Variants in ACSL3 observed in about 807,000 individuals in gnomAD.
The protein encoded by ACSL3 is fatty acid CoA ligase Acsl3.
ACSL3 carries 34 observed loss-of-function variants against 84.7 expected under a neutral mutation model. The observed-to-expected ratio is 0.40, with a 90% confidence interval of 0.31 to 0.53. The LOEUF is 0.53. ACSL3 is among the 20% of genes least tolerant of loss of function. The pLI is 0.48. For missense variants in ACSL3, 680 were observed against 873.1 expected (o/e 0.78, Z 2.79); for synonymous variants, 315 against 299.4 (o/e 1.05, Z -0.54).
At chr2:222,925,648 A>G (rs903159081) in intron 11 of ACSL3, among the ~76,000 whole-genome samples, 1 of 152,230 alleles carries the variant, frequency 6.6e-6, no homozygotes, top group African/African-American at 2.4e-5. Flanking sequence ...AGCAGTTTAA[A>G]AAACCTGCAA....
In ACSL3 at chr2:222,927,184, C is replaced by A; in HGVS notation, c.1460C>A (p.Ser487Tyr). 6.2e-7 allele frequency: 1 copy of A among 1,613,254 alleles called. No individual in the cohort carries two copies. The highest frequency in any genetic ancestry group is 8.5e-7 in the Non-Finnish European group (1 of 1,179,282). The change falls in exon 12 of 17, where the codon TCC (serine) becomes TAC (tyrosine). Residue 487 changes from serine to tyrosine, a missense_variant. Transcript: ENST00000357430. ...LTESAGAGTI[S>Y]EVWDYNTGRV... ...GAATCTGCTGGGGCTGGAACAATTTCCGAAGGTAGTGTTCTCCATGGTCAG... is the reference window on the plus strand; with the variant it reads ...GAATCTGCTGGGGCTGGAACAATTTACGAAGGTAGTGTTCTCCATGGTCAG...
intron 3 of ACSL3, among the ~76,000 whole-genome samples, chr2:222,901,007 T>G (rs1696132190): frequency 6.6e-6 from 1 of 152,196 alleles, no homozygotes; most frequent in Non-Finnish European, 1.5e-5. Flanking sequence ...TTTTGGTGCT[T>G]GGTCAATCTG....
At chr2:222,931,021 A>G (rs1479088832) in intron 14 of ACSL3, among the ~76,000 whole-genome samples, 2 of 152,172 alleles carry the variant, frequency 1.3e-5, no homozygotes, top group Admixed American at 6.5e-5. Context: ...GTTCAGCAGC[A>G]GTGGTATTTT....
chr2:222,935,865 A>G (rs1697156672), intron 16 of ACSL3, among the ~76,000 whole-genome samples: 1 of 152,112 alleles, frequency 6.6e-6, no homozygotes, highest in Non-Finnish European at 1.5e-5. Context: ...TGCACAACTG[A>G]TCTTTATAAC....
At chr2:222,873,127 T>G (rs943882431) in intron 1 of ACSL3, among the ~76,000 whole-genome samples, 13 of 152,224 alleles carry the variant, frequency 8.5e-5, no homozygotes. Context: ...AATTTTATTA[T>G]TACAAAATTT....
At chr2:222,867,993 T>G (rs13002795) in intron 1 of ACSL3, among the ~76,000 whole-genome samples, 12,910 of 150,618 alleles carry the variant, frequency 0.086, 848 homozygotes, top group African/African-American at 0.17. Context: ...TTTTTTTTTT[T>G]AAATAAAAAT....
Position 222,944,172 on chromosome 2 carries a change from C to T in ACSL3, c.*2518C>T, listed in dbSNP as rs1185394482. ...ACTTTCTAAATACTACTTTGCTTTT[C>T]AGTAGTGGATTTGATATTTATAATG... On this transcript the variant is annotated 3_prime_UTR_variant, in exon 17 of 17. Transcript: ENST00000357430. 6.6e-6 allele frequency: 1 copy of T among 152,070 alleles called. No individual in the cohort carries two copies. Among genetic ancestry groups the T allele is most frequent in the Non-Finnish European group, 1.5e-5 (1 of 67,972 alleles). 9.4% of individuals were successfully genotyped at this position (152,070 alleles called of 1,614,324 possible).
At position 222,923,060 on chromosome 2, in the gene ACSL3, CT is replaced by C; in HGVS notation, c.1081-13del. The C allele has an allele frequency of 6.3e-7, 1 of 1,599,258 alleles. No individual in the cohort carries two copies. Among genetic ancestry groups the C allele is most frequent in the Non-Finnish European group, 8.6e-7 (1 of 1,167,058 alleles). On this transcript the variant is annotated splice_polypyrimidine_tract_variant and intron_variant, in intron 9 of 16. Coordinates refer to ENST00000357430, the MANE Select transcript of ACSL3 (RefSeq NM_004457.5). Reference sequence around the variant, plus strand: ...AATAAGGATCACTTTATATGGATCACTTTTTCTTATTTTGTAGTCTTCAAAA... The same window carrying C: ...AATAAGGATCACTTTATATGGATCACTTTTCTTATTTTGTAGTCTTCAAAA...
In ACSL3 at chr2:222,909,038, A is replaced by T; in HGVS notation, c.266A>T (p.Asp89Val). 6.2e-7 allele frequency: 1 copy of T among 1,613,510 alleles called. No homozygotes were observed. Among genetic ancestry groups the T allele is most frequent in the South Asian group, 1.1e-5 (1 of 90,780 alleles). Residue 89 changes from aspartate (D) to valine (V), a missense_variant, in exon 4 of 17, where the codon GAT becomes GTT. Around this residue, in one of 2 missense-constraint regions of ACSL3, gnomAD observed 333 missense variants for 347.5 expected, o/e 0.96. Transcript: ENST00000357430. ...TTATACCCTGGATGTGATACTTTAG[A>T]TAAAGTTTTTACATATGCAAAAAAC... ...SVLYPGCDTL[D>V]KVFTYAKNKF...
intron 11 of ACSL3, 22 bp downstream of exon 11, chr2:222,924,617 CCTT>C (rs766067161): frequency 1.1e-5 from 17 of 1,563,928 alleles, no homozygotes; most frequent in Middle Eastern, 1.7e-4. Context: ...CTCTCTACCT[CCTT>C]CTTTCTCCTC....
rs2106131197 is a variant in ACSL3 at position 222,923,275 on chromosome 2, A to G, written c.1152+126A>G. On this transcript the variant is annotated intron_variant, in intron 10 of 16. Coordinates refer to ENST00000357430, the MANE Select transcript of ACSL3 (RefSeq NM_004457.5). Reference sequence around the variant, plus strand: ...GTAGGATTTATTCCTTATTGATTATAAATATTGCCTTAGGCGCTATGGGAT... The same window carrying G: ...GTAGGATTTATTCCTTATTGATTATGAATATTGCCTTAGGCGCTATGGGAT... The G allele has an allele frequency of 5.1e-6, 4 of 785,526 alleles. No individual in the cohort carries two copies. In the South Asian group the frequency reaches 7.7e-5, roughly 15 times the overall value. 48.7% of individuals were successfully genotyped at this position (785,526 alleles called of 1,614,324 possible).
intron 7 of ACSL3, 81 bp from the exon 8 acceptor site, chr2:222,921,199 A>C: frequency 6.9e-7 from 1 of 1,446,192 alleles, no homozygotes; most frequent in Non-Finnish European, 9.5e-7. Flanking sequence ...TGAGTTATTT[A>C]TTTGATGATA....
At chr2:222,872,884 C>T (rs894403650) in intron 1 of ACSL3, among the ~76,000 whole-genome samples, 3 of 151,906 alleles carry the variant, frequency 2.0e-5, no homozygotes, top group Admixed American at 6.6e-5. Context: ...GGAAAATCCA[C>T]AAGAAGGGCA....
chr2:222,880,170 A>C (rs1479521576), intron 1 of ACSL3, among the ~76,000 whole-genome samples: 1 of 152,216 alleles, frequency 6.6e-6, no homozygotes, highest in East Asian at 1.9e-4. Flanking sequence ...GAATAGGGCA[A>C]ATATGCATTA....
chr2:222,878,209 A>C (rs547400680), intron 1 of ACSL3, among the ~76,000 whole-genome samples: 3 of 152,214 alleles, frequency 2.0e-5, no homozygotes, highest in Non-Finnish European at 2.9e-5. Flanking sequence ...TTACCAGAAA[A>C]TTTTTGGAAG....
Position 222,943,634 on chromosome 2 carries a change from C to T in ACSL3, c.*1980C>T, listed in dbSNP as rs184567797. 1 of 152,450 alleles carries T rather than the reference C, an allele frequency of 6.6e-6. No individual in the cohort carries two copies. The highest frequency in any genetic ancestry group is 6.5e-5 in the Admixed American group (1 of 15,302). 9.4% of individuals were successfully genotyped at this position (152,450 alleles called of 1,614,324 possible). ...TTTTCTCATATGAAGTTTATAATTCCTTTCAGTCCTAAAATGTCAGATGCC... is the reference window on the plus strand; with the variant it reads ...TTTTCTCATATGAAGTTTATAATTCTTTTCAGTCCTAAAATGTCAGATGCC... On this transcript the variant is annotated 3_prime_UTR_variant, in exon 17 of 17. Transcript: ENST00000357430.
chr2:222,888,676 A>G (rs1184022302), intron 2 of ACSL3, among the ~76,000 whole-genome samples: 4 of 152,192 alleles, frequency 2.6e-5, no homozygotes, highest in Non-Finnish European at 2.9e-5. Context: ...ACTGTAAGCA[A>G]TGTAGGAGCA....
Position 222,941,645 on chromosome 2 carries a change from A to G in ACSL3, c.2154A>G (p.Gly718=). 1 of 1,611,990 alleles carries G rather than the reference A, an allele frequency of 6.2e-7. No individual in the cohort carries two copies. The highest frequency in any genetic ancestry group is 8.5e-7 in the Non-Finnish European group (1 of 1,179,240). Residue 718 remains glycine, a synonymous_variant, in exon 17 of 17, where the codon GGA becomes GGG. Transcript: ENST00000357430. ...HYQADIERMY[G]RK ...AGGCGGACATTGAGCGAATGTATGGAAGAAAATAATTATTCTCTTCTGGCA... is the reference window on the plus strand; with the variant it reads ...AGGCGGACATTGAGCGAATGTATGGGAGAAAATAATTATTCTCTTCTGGCA...
chr2:222,889,385 T>C (rs369806393), intron 2 of ACSL3, among the ~76,000 whole-genome samples: 2 of 152,320 alleles, frequency 1.3e-5, no homozygotes, highest in Admixed American at 6.5e-5. Context: ...AGTCATGTTA[T>C]ATAGGTTAAC....
Sources: allele counts gnomAD v4.1 joint callset (sites outside exome capture counted in the v4.1 genomes callset), GRCh38; gene constraint gnomAD v4.1.1; regional missense constraint gnomAD v4.1.1; transcripts MANE v1.5; gene names NCBI Gene and HGNC (gene_info 2026-07-23, HGNC 2026-07-21).